Variants in PON3 observed in about 807,000 individuals in gnomAD.
PON3 encodes the protein paraoxonase 3.
A neutral mutation model predicts 36.3 loss-of-function variants in PON3; 37 were observed. The ratio of observed to expected loss-of-function variants is 1.02; its 90% CI spans 0.78 to 1.34. The LOEUF is 1.34. Ranked by LOEUF, PON3 falls within the 40% of genes most tolerant of loss-of-function variation. The pLI is 0.00. For synonymous variants in PON3, 155 were observed against 154.8 expected, an observed-to-expected ratio of 1.00 and a Z score of -0.01; for missense variants, 415 against 426.5, an observed-to-expected ratio of 0.97 and a Z score of 0.24.
chr7:95,364,030 C>G lies in PON3; in HGVS notation c.528G>C (p.Gln176His), dbSNP rs752466259. ...AATAGTGGTCTCTGGTGGCATAGAA[C>G]TGTTCTGGTCCAAGAACCACAATGT... is the stretch of plus-strand genomic sequence containing the variant. ...VNDIVVLGPE[Q>H]FYATRDHYFT... The change falls in exon 6 of 9, where the codon CAG becomes CAC. Residue 176 changes from glutamine to histidine, a missense_variant. Coordinates refer to ENST00000265627, the MANE Select transcript of PON3 (RefSeq NM_000940.3). 1 of 1,613,572 alleles carries G rather than the reference C, an allele frequency of 6.2e-7. No homozygotes were observed. The highest frequency in any genetic ancestry group is 8.5e-7 in the Non-Finnish European group (1 of 1,179,666).
At chr7:95,381,717 C>T (rs1404606816) in intron 3 of PON3, among the ~76,000 whole-genome samples, 2 of 152,120 alleles carry the variant, frequency 1.3e-5, no homozygotes, top group Non-Finnish European at 2.9e-5. Context: ...TCCTTAGAGA[C>T]CTACAAAGAG....
intron 1 of PON3, among the ~76,000 whole-genome samples, chr7:95,395,607 G>A (rs957212635): frequency 6.6e-6 from 1 of 152,126 alleles, no homozygotes; most frequent in African/African-American, 2.4e-5. Context: ...ACAACTGAAA[G>A]CAAGCAGAGG....
Position 95,390,172 on chromosome 7 carries a change from C to G in PON3, c.183G>C (p.Gly61=). The change falls in exon 3 of 9, where the codon GGG becomes GGC. Residue 61 remains glycine (G), a synonymous_variant. Coordinates refer to ENST00000265627, the MANE Select transcript of PON3 (RefSeq NM_000940.3). ...TACTCACACTGGAGATAAAAGCCAG[C>G]CCACTAGGAAGTATATCAATATCTT... ...GSEDIDILPS[G]LAFISSGLKY... is the part of the protein sequence containing the mutation. The G allele has an allele frequency of 3.1e-6, 5 of 1,611,504 alleles. No individual in the cohort carries two copies. The highest frequency in any genetic ancestry group is 4.2e-6 in the Non-Finnish European group (5 of 1,177,738).
chr7:95,369,632 C>T (rs868115835), intron 4 of PON3, among the ~76,000 whole-genome samples: 16 of 152,108 alleles, frequency 1.1e-4, no homozygotes, highest in Middle Eastern at 3.4e-3. Context: ...AAAAATTAGC[C>T]GGGCATGGTG....
intron 3 of PON3, chr7:95,377,538 AC>A: frequency 2.4e-6 from 1 of 425,270 alleles, no homozygotes; most frequent in Non-Finnish European, 4.7e-6. Context: ...GATACCTCAT[AC>A]AGGCGGATGC....
At chr7:95,382,335 C>T (rs1258586626) in intron 3 of PON3, among the ~76,000 whole-genome samples, 2 of 152,008 alleles carry the variant, frequency 1.3e-5, no homozygotes, top group Non-Finnish European at 2.9e-5. Context: ...TAGCAGAAGA[C>T]AAGAAATAAC....
chr7:95,375,159 C>T (rs1808887055), intron 3 of PON3, among the ~76,000 whole-genome samples: 1 of 151,942 alleles, frequency 6.6e-6, no homozygotes, highest in Non-Finnish European at 1.5e-5. Context: ...AATTTTCAGT[C>T]TACTCTTTTC....
At chr7:95,395,825 T>G in intron 1 of PON3, 1 of 212,864 alleles carries the variant, frequency 4.7e-6, no homozygotes, top group Non-Finnish European at 9.6e-6. Context: ...CTAGGATAGG[T>G]TCCATAACCC....
chr7:95,371,387 G>T (rs1397257358), intron 4 of PON3, among the ~76,000 whole-genome samples: 1 of 152,062 alleles, frequency 6.6e-6, no homozygotes, highest in Non-Finnish European at 1.5e-5. Flanking sequence ...TTCCCAAAGT[G>T]GTTACATTAT....
chr7:95,372,378 T>C (rs940342307), intron 3 of PON3, 40 bp from the exon 4 acceptor site: 12 of 1,584,100 alleles, frequency 7.6e-6, no homozygotes, highest in African/African-American at 1.3e-5. Context: ...CATATACATA[T>C]CAAAACAATA....
Position 95,363,869 on chromosome 7 carries a change from T to A in PON3, c.689A>T (p.Asp230Val), listed in dbSNP as rs973207236. Residue 230 changes from aspartate to valine, a missense_variant, in exon 6 of 9, where the codon GAC becomes GTC. Physicochemically the swap from Asp to Val is radical, Grantham distance 152. Transcript: ENST00000265627. The part of the protein sequence containing the change: ...CSANGITVSA[D>V]QKYVYVADVA... Reference sequence around the variant, plus strand: ...AATACACAAAAGAGCTTACTTCTGGTCTGCTGAGACTGTGATCCCATTGGC... The same window carrying A: ...AATACACAAAAGAGCTTACTTCTGGACTGCTGAGACTGTGATCCCATTGGC... 2 of 1,613,048 alleles carry A rather than the reference T, an allele frequency of 1.2e-6. No homozygotes were observed. Among genetic ancestry groups the A allele is most frequent in the African/African-American group, 2.7e-5 (2 of 74,890 alleles).
In PON3 at chr7:95,362,788, T is replaced by C. The variant is rs760807482; in HGVS notation, c.749A>G (p.His250Arg). The C allele has an allele frequency of 2.5e-6, 4 of 1,611,694 alleles. No individual in the cohort carries two copies. The Admixed American group carries it at 5.0e-5, about 20-fold the overall frequency. Residue 250 changes from histidine (H) to arginine (R), a missense_variant, in exon 7 of 9, where the codon CAT becomes CGT. By Grantham distance (29) the His-to-Arg change is conservative (BLOSUM62 0). Coordinates refer to ENST00000265627, the MANE Select transcript of PON3 (RefSeq NM_000940.3). ...CAGTTGAGTTAAATCCCAGTTATCATGTTTTTCCATTATGTGAATGTTCTT... is the reference window on the plus strand; with the variant it reads ...CAGTTGAGTTAAATCCCAGTTATCACGTTTTTCCATTATGTGAATGTTCTT... ...AAKNIHIMEKHDNWDLTQLKV... is the reference protein window; with the variant it reads ...AAKNIHIMEKRDNWDLTQLKV...
chr7:95,368,457 C>T (rs1263525441), intron 4 of PON3, among the ~76,000 whole-genome samples: 3 of 152,174 alleles, frequency 2.0e-5, no homozygotes, highest in East Asian at 1.9e-4. Flanking sequence ...AGGCTCAGGG[C>T]GTGGCAAACA....
intron 4 of PON3, among the ~76,000 whole-genome samples, chr7:95,368,815 A>C (rs1183845320): frequency 4.0e-4 from 15 of 37,800 alleles, no homozygotes; most frequent in African/African-American, 1.1e-3. Flanking sequence ...AAAAACAAAC[A>C]AAAAAAAAAA....
chr7:95,375,477 C>T (rs1808896973), intron 3 of PON3, among the ~76,000 whole-genome samples: 1 of 151,918 alleles, frequency 6.6e-6, no homozygotes, highest in South Asian at 2.1e-4. Context: ...TTGCCTAAAT[C>T]ACTCAGATCA....
intron 3 of PON3, among the ~76,000 whole-genome samples, chr7:95,389,873 T>C (rs1351862816): frequency 1.3e-5 from 2 of 152,154 alleles, no homozygotes; most frequent in African/African-American, 4.8e-5. Flanking sequence ...AACTGGAGAC[T>C]AGCCTAGGAA....
intron 3 of PON3, among the ~76,000 whole-genome samples, chr7:95,379,078 C>CAAAAA (rs34582490): frequency 1.4e-5 from 2 of 146,230 alleles, no homozygotes; most frequent in African/African-American, 2.5e-5. Flanking sequence ...AAATAAAAAG[C>CAAAAA]AAAAAAAAAA....
At chr7:95,371,204 T>C (rs572797861) in intron 4 of PON3, among the ~76,000 whole-genome samples, 2 of 152,256 alleles carry the variant, frequency 1.3e-5, no homozygotes, top group Admixed American at 1.3e-4. Context: ...CATCAGTTGA[T>C]AGACATTTGG....
intron 3 of PON3, among the ~76,000 whole-genome samples, chr7:95,380,646 T>C (rs183936482): frequency 6.6e-6 from 1 of 152,226 alleles, no homozygotes; most frequent in East Asian, 1.9e-4. Flanking sequence ...AAGAGAAGTT[T>C]AGAGCAAAAA....
Sources: gnomAD v4.1 joint callset for allele counts (sites outside exome capture counted in the v4.1 genomes callset) on GRCh38, gnomAD v4.1.1 for gene constraint, MANE v1.5 for transcripts, NCBI Gene and HGNC (gene_info 2026-07-23, HGNC 2026-07-21) for gene names.